Variants in ADCY5 observed in about 807,000 individuals in gnomAD.
ADCY5 encodes adenylate cyclase 5, also known as adenylate cyclase type 5.
ADCY5 carries 30 observed loss-of-function variants against 119.7 expected under a neutral mutation model. That is an observed-to-expected ratio of 0.25 (90% confidence interval 0.19 to 0.34). ADCY5 has a LOEUF of 0.34. ADCY5 is among the 10% of genes least tolerant of loss of function. The pLI, the probability that ADCY5 is intolerant of heterozygous loss-of-function variation, is 1.00. For synonymous variants in ADCY5, 753 were observed against 762.2 expected (o/e 0.99, Z 0.20); for missense variants, 1,324 against 1,775.2 (o/e 0.75, Z 4.57).
intron 1 of ADCY5, among the ~76,000 whole-genome samples, chr3:123,388,374 G>A (rs6804055): frequency 0.064 from 9,813 of 152,192 alleles, 785 homozygotes; most frequent in East Asian, 0.25. Context: ...TTTCTAAGCA[G>A]GCAACAGGGA....
intron 1 of ADCY5, among the ~76,000 whole-genome samples, chr3:123,365,576 T>C (rs1482100884): frequency 6.6e-6 from 1 of 152,204 alleles, no homozygotes; most frequent in Non-Finnish European, 1.5e-5. Context: ...CTTCGGTTCC[T>C]AATCCACTTA....
At chr3:123,357,290 T>C (rs180698109) in intron 1 of ADCY5, among the ~76,000 whole-genome samples, 2 of 149,942 alleles carry the variant, frequency 1.3e-5, no homozygotes, top group African/African-American at 4.9e-5. Flanking sequence ...AGAGAGAAAA[T>C]GTAAGCAGAT....
intron 6 of ADCY5, 48 bp from the exon 7 acceptor site, chr3:123,327,807 C>T: frequency 6.2e-7 from 1 of 1,602,636 alleles, no homozygotes; most frequent in Non-Finnish European, 8.5e-7. Context: ...AACTCAAAGT[C>T]ATAATGTCAG....
intron 1 of ADCY5, among the ~76,000 whole-genome samples, chr3:123,427,683 C>T (rs1470390180): frequency 6.6e-6 from 1 of 152,192 alleles, no homozygotes; most frequent in Non-Finnish European, 1.5e-5. Flanking sequence ...AGTTACTTAA[C>T]CTGCCATACT....
intron 1 of ADCY5, among the ~76,000 whole-genome samples, chr3:123,405,328 C>G (rs1944872266): frequency 6.6e-6 from 1 of 152,238 alleles, no homozygotes; most frequent in Non-Finnish European, 1.5e-5. Flanking sequence ...GTCTAGAGCA[C>G]AGGATGGAGA....
intron 1 of ADCY5, among the ~76,000 whole-genome samples, chr3:123,421,626 G>A (rs1945304946): frequency 6.6e-6 from 1 of 152,138 alleles, no homozygotes; most frequent in Non-Finnish European, 1.5e-5. Context: ...GGCAATGACT[G>A]GGTGGGAGGA....
At chr3:123,430,706 A>G (rs1012281211) in intron 1 of ADCY5, among the ~76,000 whole-genome samples, 4 of 152,234 alleles carry the variant, frequency 2.6e-5, no homozygotes, top group Admixed American at 2.0e-4. Flanking sequence ...ACATGTGGTC[A>G]TTCGTGGAGG....
At chr3:123,376,634 C>T (rs1943844943) in intron 1 of ADCY5, among the ~76,000 whole-genome samples, 1 of 152,010 alleles carries the variant, frequency 6.6e-6, no homozygotes, top group South Asian at 2.1e-4. Flanking sequence ...CCCACAGAGG[C>T]CCAAAATAAA....
intron 7 of ADCY5, among the ~76,000 whole-genome samples, chr3:123,326,746 C>G (rs1941507956): frequency 6.6e-6 from 1 of 152,212 alleles, no homozygotes; most frequent in African/African-American, 2.4e-5. Context: ...GCCCCCGAGC[C>G]AGGATCTGTC....
chr3:123,428,115 C>T (rs1432334079), intron 1 of ADCY5, among the ~76,000 whole-genome samples: 1 of 152,196 alleles, frequency 6.6e-6, no homozygotes, highest in Non-Finnish European at 1.5e-5. Flanking sequence ...GCCACCTGGC[C>T]TTGTGACTCT....
At chr3:123,322,655 T>G (rs1305229239) in intron 8 of ADCY5, among the ~76,000 whole-genome samples, 1 of 152,178 alleles carries the variant, frequency 6.6e-6, no homozygotes, top group Non-Finnish European at 1.5e-5. Context: ...CTGCAGCACC[T>G]GGGCCCCACC....
chr3:123,336,029 A>G (rs2108430042), intron 3 of ADCY5, among the ~76,000 whole-genome samples: 1 of 152,346 alleles, frequency 6.6e-6, no homozygotes, highest in South Asian at 2.1e-4. Flanking sequence ...AGGACAGCAG[A>G]GAGCTGCTCC....
In ADCY5 at chr3:123,284,445, T is replaced by C; in HGVS notation, c.*163A>G. ...CCCCGGGGCCTGGGACAGAGGCCGCTGCCCACCAGCAAAGGCAGAAGCTGC... is the reference window on the plus strand; with the variant it reads ...CCCCGGGGCCTGGGACAGAGGCCGCCGCCCACCAGCAAAGGCAGAAGCTGC... On this transcript the variant is annotated 3_prime_UTR_variant, in exon 21 of 21. Coordinates refer to ENST00000462833, the MANE Select transcript of ADCY5 (RefSeq NM_183357.3). 8 of 1,168,130 alleles carry C rather than the reference T, an allele frequency of 6.8e-6. No individual in the cohort carries two copies. The highest frequency in any genetic ancestry group is 9.4e-6 in the Non-Finnish European group (8 of 848,336). The allele number at this position is 1,168,130 out of a possible 1,614,324, so 72.4% of individuals were successfully genotyped here.
chr3:123,308,077 A>G (rs1940304752), intron 12 of ADCY5, among the ~76,000 whole-genome samples: 1 of 117,544 alleles, frequency 8.5e-6, no homozygotes, highest in East Asian at 2.5e-4. Flanking sequence ...TCTGTCGCCC[A>G]GGCTGGAGTG....
intron 8 of ADCY5, among the ~76,000 whole-genome samples, chr3:123,323,437 A>G (rs1576572913): frequency 6.6e-6 from 1 of 151,884 alleles, no homozygotes; most frequent in African/African-American, 2.4e-5. Context: ...ATAACTTTCC[A>G]AGGATTCTGA....
At chr3:123,416,194 G>A in intron 1 of ADCY5, 1 of 1,536,062 alleles carries the variant, frequency 6.5e-7, no homozygotes, top group East Asian at 2.4e-5. Context: ...CCTCCGTGGG[G>A]CCCATTCTCC....
chr3:123,349,377 A>C (rs1396189311), intron 2 of ADCY5, among the ~76,000 whole-genome samples: 1 of 152,164 alleles, frequency 6.6e-6, no homozygotes, highest in Non-Finnish European at 1.5e-5. Context: ...GCTCATCTGG[A>C]AACAGCTCTC....
intron 1 of ADCY5, among the ~76,000 whole-genome samples, chr3:123,425,817 T>C (rs1216965271): frequency 6.6e-6 from 1 of 152,018 alleles, no homozygotes; most frequent in Non-Finnish European, 1.5e-5. Flanking sequence ...GCTGGTCACT[T>C]GGTAGCCAGC....
At chr3:123,423,365 C>T (rs779888558) in intron 1 of ADCY5, among the ~76,000 whole-genome samples, 3 of 152,204 alleles carry the variant, frequency 2.0e-5, no homozygotes, top group Non-Finnish European at 4.4e-5. Flanking sequence ...TGTGATTCTG[C>T]GCCGTGGGAG....
Sources: allele counts gnomAD v4.1 joint callset (sites outside exome capture counted in the v4.1 genomes callset), GRCh38; gene constraint gnomAD v4.1.1; transcripts MANE v1.5; gene names NCBI Gene and HGNC (gene_info 2026-07-23, HGNC 2026-07-21).